GRID2IP: variants seen among roughly 807,000 people sequenced by gnomAD.
GRID2IP encodes Grid2 interacting protein, also known as delphilin.
GRID2IP carries 78 observed loss-of-function variants against 114.3 expected under a neutral mutation model. The ratio of observed to expected loss-of-function variants is 0.68; its 90% CI spans 0.57 to 0.82. The LOEUF is 0.82. Among genes scored for constraint, GRID2IP ranks in the 40% least tolerant of loss-of-function variants. The pLI is 0.00. For missense variants in GRID2IP, 1,727 were observed against 1,678.5 expected, an observed-to-expected ratio of 1.03 and a Z score of -0.51; for synonymous variants, 809 against 724.0, an observed-to-expected ratio of 1.12 and a Z score of -1.89.
chr7:6,547,381 CTT>C (rs370572345), intron 1 of GRID2IP, among the ~76,000 whole-genome samples: 1 of 145,756 alleles, frequency 6.9e-6, no homozygotes, highest in African/African-American at 2.5e-5. Flanking sequence ...TCTCCCCAGT[CTT>C]TTTTTTTTTT....
At position 6,534,414 on chromosome 7, in the gene GRID2IP, C is replaced by T. The variant is rs913503313; in HGVS notation, c.584+5304G>A. 1.3e-5 allele frequency among the ~76,000 whole-genome samples: 2 copies of T among 152,238 alleles called. No individual in the cohort carries two copies. The highest frequency in any genetic ancestry group is 4.8e-5 in the African/African-American group (2 of 41,466). On this transcript the variant is annotated intron_variant, in intron 2 of 21. Transcript: ENST00000457091. The surrounding 1 kb of genome is among the most constrained non-coding windows in gnomAD (Gnocchi z 4.5). Reference sequence around the variant, plus strand: ...TAATTAGAAAGCCATTTTCTCACTTCATCAGACCGGGGTCCCTTTGGGGAG... The same window carrying T: ...TAATTAGAAAGCCATTTTCTCACTTTATCAGACCGGGGTCCCTTTGGGGAG...
At position 6,526,080 on chromosome 7, in the gene GRID2IP, G is replaced by A. The variant is rs989257035; in HGVS notation, c.919+144C>T. The A allele has an allele frequency of 2.0e-5, 13 of 650,832 alleles. No homozygotes were observed. The highest frequency in any genetic ancestry group is 3.3e-5 in the Non-Finnish European group (12 of 363,116). 40.3% of individuals were successfully genotyped at this position (650,832 alleles called of 1,614,324 possible). ...TGGCTCTGGGACACTCTGGGGACAC[G>A]GTCTACACAAGGATGGTACCTGACG... On this transcript the variant is annotated intron_variant, in intron 4 of 21. Coordinates refer to ENST00000457091, the MANE Select transcript of GRID2IP (RefSeq NM_001145118.2). The surrounding 1 kb of genome is among the most constrained non-coding windows in gnomAD (Gnocchi z 7.6).
intron 2 of GRID2IP, among the ~76,000 whole-genome samples, chr7:6,527,797 C>A (rs1056899952): frequency 6.7e-6 from 1 of 148,998 alleles, no homozygotes; most frequent in African/African-American, 2.5e-5. Flanking sequence ...CTTGCTCTGT[C>A]GCCCAGGCTG....
Position 6,536,633 on chromosome 7 carries a change from G to T in GRID2IP, c.584+3085C>A, listed in dbSNP as rs1398829903. On this transcript the variant is annotated intron_variant, in intron 2 of 21. Coordinates refer to ENST00000457091, the MANE Select transcript of GRID2IP (RefSeq NM_001145118.2). This position sits in a 1 kb window ranked among gnomAD's most constrained non-coding sequence, Gnocchi z 5.3. Reference sequence around the variant, plus strand: ...GAGACGAGCGAGCCAACTTCCTGGGGGACAGCTGGGCCGCCTGCGCCCCGC... The same window carrying T: ...GAGACGAGCGAGCCAACTTCCTGGGTGACAGCTGGGCCGCCTGCGCCCCGC... Among the ~76,000 whole-genome samples the T allele has an allele frequency of 6.6e-6, 1 of 152,080 alleles. No individual in the cohort carries two copies. Among genetic ancestry groups the T allele is most frequent in the Non-Finnish European group, 1.5e-5 (1 of 67,966 alleles).
chr7:6,544,262 T>C lies in GRID2IP; in HGVS notation c.430-4390A>G, dbSNP rs150297624. Among the ~76,000 whole-genome samples, 589 of 150,232 alleles carry C rather than the reference T, an allele frequency of 3.9e-3. 5 individuals carry two copies. The highest frequency in any genetic ancestry group is 0.014 in the African/African-American group (572 of 41,390). ...CCATGATCAATGACTGGTAAATGCA[T>C]GGTTTTCTTTTTCTTTTTTCTTTCT... On this transcript the variant is annotated intron_variant, in intron 1 of 21. Coordinates refer to ENST00000457091, the MANE Select transcript of GRID2IP (RefSeq NM_001145118.2).
chr7:6,504,043 C>A (rs1786500643), intron 15 of GRID2IP, among the ~76,000 whole-genome samples: 2 of 131,226 alleles, frequency 1.5e-5, no homozygotes, highest in African/African-American at 6.0e-5. Context: ...TCTGAAGGGG[C>A]AGGGGACAAG....
Position 6,520,779 on chromosome 7 carries a change from G to T in GRID2IP, c.1085-18C>A. 1 of 1,543,922 alleles carries T rather than the reference G, an allele frequency of 6.5e-7. No homozygotes were observed. The highest frequency in any genetic ancestry group is 8.8e-7 in the Non-Finnish European group (1 of 1,141,452). ...ATCGGAGTCTGCTGGGACCACAGGC[G>T]GGAGAGGCATGAGTGACTCAGAGTC... is the stretch of plus-strand genomic sequence containing the variant. On this transcript the variant is annotated intron_variant, in intron 6 of 21. Coordinates refer to ENST00000457091, the MANE Select transcript of GRID2IP (RefSeq NM_001145118.2). The surrounding 1 kb of genome is among the most constrained non-coding windows in gnomAD (Gnocchi z 4.6).
At chr7:6,514,556 C>A in intron 7 of GRID2IP, 27 bp from the exon 8 acceptor site, 1 of 1,480,448 alleles carries the variant, frequency 6.8e-7, no homozygotes. Flanking sequence ...GAATGTGAGG[C>A]TCAATACTCA....
In GRID2IP at chr7:6,526,431, A is replaced by C. The variant is rs965702857; in HGVS notation, c.833+90T>G. ...GGCCCCCTATGCACCCCAGATGCCC[A>C]GCCCCGCCCCTACGCCCTCTCCCCG... On this transcript the variant is annotated intron_variant, in intron 3 of 21. Transcript: ENST00000457091. The surrounding 1 kb of genome is among the most constrained non-coding windows in gnomAD (Gnocchi z 7.6). The C allele has an allele frequency of 1.6e-5, 24 of 1,496,552 alleles. No homozygotes were observed. Among genetic ancestry groups the C allele is most frequent in the African/African-American group, 2.8e-5 (2 of 72,090 alleles). The allele number at this position is 1,496,552 out of a possible 1,614,324, so 92.7% of individuals were successfully genotyped here. A position where few individuals can be genotyped will look rare whatever the true frequency, so the allele number is the denominator to read the frequency against.
At chr7:6,533,356 T>C (rs547946145) in intron 2 of GRID2IP, among the ~76,000 whole-genome samples, 1 of 152,256 alleles carries the variant, frequency 6.6e-6, no homozygotes, top group East Asian at 1.9e-4. Flanking sequence ...ATTCTGCCAA[T>C]ATCTCTCTTA....
rs1243055812 is a variant in GRID2IP at position 6,507,783 on chromosome 7, T to C, written c.2544+202A>G. ...TCCAGGTGTCCCCAGTGTGTGTCTT[T>C]GGCTGAGGGACACAGATTGGCTTCA... On this transcript the variant is annotated intron_variant, in intron 13 of 21. Coordinates refer to ENST00000457091, the MANE Select transcript of GRID2IP (RefSeq NM_001145118.2). This position sits in a 1 kb window ranked among gnomAD's most constrained non-coding sequence, Gnocchi z 5.3. 2.0e-5 allele frequency among the ~76,000 whole-genome samples: 3 copies of C among 152,194 alleles called. No individual in the cohort carries two copies. Among genetic ancestry groups the C allele is most frequent in the Non-Finnish European group, 4.4e-5 (3 of 68,026 alleles).
intron 7 of GRID2IP, among the ~76,000 whole-genome samples, chr7:6,518,927 GT>G (rs796082441): frequency 2.0e-5 from 3 of 149,440 alleles, no homozygotes; most frequent in Admixed American, 6.7e-5. Flanking sequence ...TTGTTTTTTT[GT>G]TTTTTTTTGA....
At position 6,520,572 on chromosome 7, in the gene GRID2IP, G is replaced by A. The variant is rs564578729; in HGVS notation, c.1268+6C>T. On this transcript the variant is annotated splice_donor_region_variant and intron_variant, in intron 7 of 21. Coordinates refer to ENST00000457091, the MANE Select transcript of GRID2IP (RefSeq NM_001145118.2). This position sits in a 1 kb window ranked among gnomAD's most constrained non-coding sequence, Gnocchi z 4.6. Reference sequence around the variant, plus strand: ...CAGGGCCCCACCGCGGCTTTGGCCCGGCCACCTGTGCTGGAAGAAGCTCTC... The same window carrying A: ...CAGGGCCCCACCGCGGCTTTGGCCCAGCCACCTGTGCTGGAAGAAGCTCTC... The A allele has an allele frequency of 4.1e-5, 63 of 1,548,736 alleles. 1 individual carries two copies. The South Asian group carries it at 5.1e-4, about 13-fold the overall frequency.
At position 6,551,181 on chromosome 7, in the gene GRID2IP, C is replaced by A; in HGVS notation, c.256G>T (p.Asp86Tyr). 1.4e-6 allele frequency: 2 copies of A among 1,380,494 alleles called. No individual in the cohort carries two copies. The highest frequency in any genetic ancestry group is 9.3e-7 in the Non-Finnish European group (1 of 1,076,296). 85.5% of individuals were successfully genotyped at this position (1,380,494 alleles called of 1,614,324 possible). Residue 86 changes from aspartate (D) to tyrosine (Y), a missense_variant, in exon 1 of 22, where the codon GAC (aspartate) becomes TAC (tyrosine). Transcript: ENST00000457091. ...PPSLGVLPAP[D>Y]GGPGPGSGPA... Reference sequence around the variant, plus strand: ...CCGGATCCTGGGCCGGGGCCACCGTCGGGAGCCGGGAGCACGCCCAGACTG... The same window carrying A: ...CCGGATCCTGGGCCGGGGCCACCGTAGGGAGCCGGGAGCACGCCCAGACTG...
rs1583346841 is a variant in GRID2IP, at chr7:6,526,398, A to C, written c.834-89T>G. 1 of 1,509,852 alleles carries C rather than the reference A, an allele frequency of 6.6e-7. No homozygotes were observed. 93.5% of individuals were successfully genotyped at this position (1,509,852 alleles called of 1,614,324 possible). A position where few individuals can be genotyped will look rare whatever the true frequency, so the allele number is the denominator to read the frequency against. ...GATGTCCCGTGTCCCTCTCCCCTTA[A>C]CCTCTCCGGCCCCCTATGCACCCCA... On this transcript the variant is annotated intron_variant, in intron 3 of 21. Coordinates refer to ENST00000457091, the MANE Select transcript of GRID2IP (RefSeq NM_001145118.2). The surrounding 1 kb of genome is among the most constrained non-coding windows in gnomAD (Gnocchi z 7.6).
Position 6,521,888 on chromosome 7 carries a change from C to A in GRID2IP, c.989G>T (p.Arg330Met). The A allele has an allele frequency of 3.2e-6, 5 of 1,550,640 alleles. No homozygotes were observed. Among genetic ancestry groups the A allele is most frequent in the Non-Finnish European group, 4.4e-6 (5 of 1,146,082 alleles). Residue 330 changes from arginine (R) to methionine (M), a missense_variant and splice_region_variant, in exon 5 of 22, where the codon AGG becomes ATG. Coordinates refer to ENST00000457091, the MANE Select transcript of GRID2IP (RefSeq NM_001145118.2). The surrounding 1 kb of genome is among the most constrained non-coding windows in gnomAD (Gnocchi z 4.1). ...RILFLNGLDM[R>M]NCSHDKVVSM... is the part of the protein sequence containing the mutation. ...CCTGGTGTCCCCAATAGCCTCTGACCTCATGTCCAGTCCATTGAGGAAGAG... is the reference window on the plus strand; with the variant it reads ...CCTGGTGTCCCCAATAGCCTCTGACATCATGTCCAGTCCATTGAGGAAGAG...
intron 4 of GRID2IP, among the ~76,000 whole-genome samples, chr7:6,522,229 G>A (rs191104083): frequency 6.6e-6 from 1 of 152,132 alleles, no homozygotes; most frequent in African/African-American, 2.4e-5. Context: ...GGTGGCAGAG[G>A]AGAGTCAAAT....
Position 6,536,846 on chromosome 7 carries a change from G to T in GRID2IP, c.584+2872C>A, listed in dbSNP as rs1253363489. The T allele has an allele frequency of 1.3e-5, 9 of 701,406 alleles. No individual in the cohort carries two copies. Among genetic ancestry groups the T allele is most frequent in the Non-Finnish European group, 1.8e-5 (7 of 384,358 alleles). The allele number at this position is 701,406 out of a possible 1,614,324, so 43.4% of individuals were successfully genotyped here. A position where few individuals can be genotyped will look rare whatever the true frequency, so the allele number is the denominator to read the frequency against. ...CCTTACTCACCCCAGGCAGCTCATGGTGGCCTCTTTCGGTGGTGGTCGCCT... is the reference window on the plus strand; with the variant it reads ...CCTTACTCACCCCAGGCAGCTCATGTTGGCCTCTTTCGGTGGTGGTCGCCT... On this transcript the variant is annotated intron_variant, in intron 2 of 21. Coordinates refer to ENST00000457091, the MANE Select transcript of GRID2IP (RefSeq NM_001145118.2). The surrounding 1 kb of genome is among the most constrained non-coding windows in gnomAD (Gnocchi z 5.3).
At chr7:6,525,554 A>T (rs559172602) in intron 4 of GRID2IP, among the ~76,000 whole-genome samples, 2 of 151,930 alleles carry the variant, frequency 1.3e-5, no homozygotes, top group African/African-American at 2.4e-5. Flanking sequence ...GCTACACTTG[A>T]GCCTCGGAGA....
Sources: allele counts gnomAD v4.1 joint callset (sites outside exome capture counted in the v4.1 genomes callset), GRCh38; gene constraint gnomAD v4.1.1; non-coding constraint Gnocchi (gnomAD v3.1); transcripts MANE v1.5; gene names NCBI Gene and HGNC (gene_info 2026-07-23, HGNC 2026-07-21).